The following KLC1 variants were observed in gnomAD, a reference collection of about 807,000 sequenced individuals.
KLC1 encodes kinesin 2 60/70kDa.
A neutral mutation model predicts 84.2 loss-of-function variants in KLC1; 30 were observed. That is an observed-to-expected ratio of 0.36 (90% CI 0.27 to 0.48). The LOEUF is 0.48. KLC1 is among the 20% of genes least tolerant of loss of function. The pLI is 0.99. For synonymous variants in KLC1, 289 were observed against 293.3 expected (o/e 0.99, Z 0.15); for missense variants, 499 against 805.4 (o/e 0.62, Z 4.60).
rs116368348 is a variant in KLC1, at chr14:103,634,203, A to G, written c.-2+4709A>G. Among the ~76,000 whole-genome samples the G allele has an allele frequency of 9.8e-3, 1,490 of 152,186 alleles. 22 individuals are homozygous for G. The highest frequency in any genetic ancestry group is 0.028 in the East Asian group (147 of 5,174). Reference sequence around the variant, plus strand: ...TTATTTTAATCATTTTAAAATTTTTATTGTTTGTCTCCACTTAACATTCAT... The same window carrying G: ...TTATTTTAATCATTTTAAAATTTTTGTTGTTTGTCTCCACTTAACATTCAT... On this transcript the variant is annotated intron_variant, in intron 1 of 16. Transcript: ENST00000334553.
At chr14:103,672,864 C>G in intron 7 of KLC1, 150 bp from the exon 8 acceptor site, 1 of 657,916 alleles carries the variant, frequency 1.5e-6, no homozygotes, top group Non-Finnish European at 2.6e-6. Context: ...TTTATTACTA[C>G]GTGGTGTAGC....
At chr14:103,699,546 CCTT>C (rs1448987172) in intron 15 of KLC1, 9 of 1,613,364 alleles carry the variant, frequency 5.6e-6, no homozygotes, top group African/African-American at 1.3e-5. Flanking sequence ...AGTACGGGGA[CCTT>C]CTTATTCACA....
chr14:103,700,612 G>A lies in KLC1; in HGVS notation c.1849-43G>A, dbSNP rs768256194. 1.2e-5 allele frequency: 18 copies of A among 1,533,106 alleles called. No individual in the cohort carries two copies. In the Middle Eastern group the frequency reaches 5.7e-4, roughly 49 times the overall value. 95.0% of individuals were successfully genotyped at this position (1,533,106 alleles called of 1,614,324 possible). On this transcript the variant is annotated intron_variant, in intron 15 of 16. Coordinates refer to ENST00000334553, the MANE Select transcript of KLC1 (RefSeq NM_001394837.1). ...GGAGCTCTGAAGACGCCTGAGGGCC[G>A]CCTGCACGCCCTGAGTGAAACTCGT...
chr14:103,688,162 G>C (rs1027654450), intron 14 of KLC1: 1 of 152,148 alleles, frequency 6.6e-6, no homozygotes, highest in Admixed American at 6.6e-5. Flanking sequence ...TTTCGTTGTT[G>C]TTGTTGAGAT....
intron 15 of KLC1, chr14:103,696,349 G>T (rs2082518158): frequency 1.0e-6 from 1 of 985,428 alleles, no homozygotes; most frequent in African/African-American, 1.7e-5. Context: ...GCAGCACTTG[G>T]TCTTGTGTTT....
intron 14 of KLC1, among the ~76,000 whole-genome samples, chr14:103,689,978 G>T (rs1348270442): frequency 1.3e-5 from 2 of 152,092 alleles, no homozygotes; most frequent in Admixed American, 6.5e-5. Context: ...TCAGGAGTTT[G>T]AAACCAGCCT....
At chr14:103,700,447 C>T (rs2083076400) in intron 15 of KLC1, 1 of 483,574 alleles carries the variant, frequency 2.1e-6, no homozygotes, top group African/African-American at 2.0e-5. Flanking sequence ...GGGAGGGTGA[C>T]ACAGCTGCTC....
At chr14:103,635,633 A>G (rs1049658665) in intron 1 of KLC1, among the ~76,000 whole-genome samples, 3 of 152,054 alleles carry the variant, frequency 2.0e-5, no homozygotes, top group African/African-American at 7.2e-5. Flanking sequence ...ATGCTTCTGT[A>G]GTCCCGGGTA....
rs1003153651 is a variant in KLC1 at position 103,655,232 on chromosome 14, A to AAAAAC, written c.261+419_261+423dup. On this transcript the variant is annotated intron_variant, in intron 2 of 16. Coordinates refer to ENST00000334553, the MANE Select transcript of KLC1 (RefSeq NM_001394837.1). ...ACAGAGCGAGACTTTTTCTCAAAGA[A>AAAAAC]AAAACAAAACAAAACAGATCATGTG... Among the ~76,000 whole-genome samples the AAAAAC allele has an allele frequency of 2.0e-4, 31 of 152,184 alleles. 1 individual carries two copies. In the East Asian group the frequency reaches 5.4e-3, roughly 27 times the overall value.
intron 13 of KLC1, chr14:103,685,309 A>G: frequency 7.6e-7 from 1 of 1,320,196 alleles, no homozygotes; most frequent in South Asian, 1.6e-5. Flanking sequence ...TAATCTCCTT[A>G]TATACAGTTA....
chr14:103,634,258 C>G (rs1226351952), intron 1 of KLC1, among the ~76,000 whole-genome samples: 1 of 152,044 alleles, frequency 6.6e-6, no homozygotes, highest in Non-Finnish European at 1.5e-5. Flanking sequence ...AGTTTTGTCT[C>G]TTGTATTCAG....
intron 15 of KLC1, 131 bp downstream of exon 15, chr14:103,692,556 TAGAC>T: frequency 1.5e-6 from 1 of 647,000 alleles, no homozygotes; most frequent in Non-Finnish European, 2.7e-6. Flanking sequence ...CGTTTGTTCC[TAGAC>T]AGACAGTTGT....
chr14:103,677,012 C>T (rs1000569791), intron 11 of KLC1, among the ~76,000 whole-genome samples: 4 of 152,188 alleles, frequency 2.6e-5, no homozygotes, highest in Admixed American at 6.5e-5. Context: ...TGAGGGGAGA[C>T]GGCAGCACGT....
intron 15 of KLC1, chr14:103,696,151 C>T: frequency 1.0e-6 from 1 of 982,902 alleles, no homozygotes; most frequent in Non-Finnish European, 1.2e-6. Flanking sequence ...CCCCAGCAAC[C>T]ATGGCATGGG....
At chr14:103,658,454 T>C (rs8005885) in intron 3 of KLC1, among the ~76,000 whole-genome samples, 1 of 132,656 alleles carries the variant, frequency 7.5e-6, no homozygotes, top group African/African-American at 2.9e-5. Context: ...TTTTTTTTTT[T>C]AGTAGAGATG....
intron 13 of KLC1, among the ~76,000 whole-genome samples, chr14:103,681,476 C>T (rs1018560201): frequency 2.0e-5 from 3 of 152,090 alleles, no homozygotes; most frequent in Admixed American, 6.6e-5. Context: ...TTTTCCCCCC[C>T]GAGACAAGAA....
chr14:103,631,461 A>G lies in KLC1; in HGVS notation c.-2+1967A>G, dbSNP rs555409348. Among the ~76,000 whole-genome samples the G allele has an allele frequency of 2.3e-4, 35 of 152,314 alleles. 3 individuals carry two copies. The highest frequency in any genetic ancestry group is 1.8e-3 in the Admixed American group (27 of 15,288). On this transcript the variant is annotated intron_variant, in intron 1 of 16. Transcript: ENST00000334553. ...AAAAAGTCAATGTGTAACTTTCTGT[A>G]TAGGGCCATAAATTATCTTAAAACA...
Position 103,673,750 on chromosome 14 carries a change from C to T in KLC1, c.1261+319C>T, listed in dbSNP as rs181359438. On this transcript the variant is annotated intron_variant, in intron 9 of 16. Transcript: ENST00000334553. ...CATCCTGGCTAACACAGTGAAACCCCGTCTCTACTAAAAATACAAAAACTT... is the reference window on the plus strand; with the variant it reads ...CATCCTGGCTAACACAGTGAAACCCTGTCTCTACTAAAAATACAAAAACTT... Among the ~76,000 whole-genome samples, 495 of 152,130 alleles carry T rather than the reference C, an allele frequency of 3.3e-3. 1 individual carries two copies. Among genetic ancestry groups the T allele is most frequent in the African/African-American group, 0.011 (454 of 41,454 alleles).
rs139239519 is a variant in KLC1 at position 103,641,882 on chromosome 14, A to G, written c.-2+12388A>G. On this transcript the variant is annotated intron_variant, in intron 1 of 16. Coordinates refer to ENST00000334553, the MANE Select transcript of KLC1 (RefSeq NM_001394837.1). ...AGCTATCTGCCTGCCTTGGCATCCC[A>G]AAGTGTTGGGATTATAGGTATCAGC... Among the ~76,000 whole-genome samples the G allele has an allele frequency of 1.1e-4, 17 of 152,068 alleles. No individual in the cohort carries two copies. The East Asian group carries it at 3.1e-3, about 28-fold the overall frequency.
Sources: allele counts gnomAD v4.1 joint callset (sites outside exome capture counted in the v4.1 genomes callset), GRCh38; gene constraint gnomAD v4.1.1; transcripts MANE v1.5; gene names NCBI Gene and HGNC (gene_info 2026-07-23, HGNC 2026-07-21).